Variants in NEU3 observed in about 807,000 individuals in gnomAD.
NEU3 encodes sialidase-3.
In NEU3, 10 loss-of-function variants were observed where a neutral mutation model predicts 11.4. The ratio of observed to expected loss-of-function variants is 0.88; its 90% CI spans 0.54 to 1.49. The LOEUF (loss-of-function observed/expected upper bound fraction) is 1.49. NEU3 is among the 40% of genes most tolerant of loss of function. The pLI is 0.00. For synonymous variants in NEU3, 212 were observed against 228.2 expected, an observed-to-expected ratio of 0.93 and a Z score of 0.64; for missense variants, 529 against 581.8, an observed-to-expected ratio of 0.91 and a Z score of 0.93.
intron 2 of NEU3, chr11:75,004,498 A>G (rs966811632): frequency 2.2e-6 from 1 of 452,934 alleles, no homozygotes; most frequent in African/African-American, 2.0e-5. Flanking sequence ...CCCTTTGCCC[A>G]TTTCTGTTGG....
chr11:74,995,351 G>A lies in NEU3; in HGVS notation c.306+631G>A, dbSNP rs144933791. On this transcript the variant is annotated intron_variant, in intron 2 of 2. Transcript: ENST00000294064. Reference sequence around the variant, plus strand: ...TTAAGGTCATTTGCTTTGGTCACGCGTCTAATAAGTGGGAGAACTGGAGTT... The same window carrying A: ...TTAAGGTCATTTGCTTTGGTCACGCATCTAATAAGTGGGAGAACTGGAGTT... Among the ~76,000 whole-genome samples the A allele has an allele frequency of 1.7e-4, 26 of 152,326 alleles. No individual in the cohort carries two copies. The South Asian group carries it at 2.1e-3, about 12-fold the overall frequency.
chr11:75,015,751 A>G (rs1382902049), downstream of NEU3, among the ~76,000 whole-genome samples: 1 of 152,194 alleles, frequency 6.6e-6, no homozygotes, highest in Non-Finnish European at 1.5e-5. Flanking sequence ...GTTCCTATGG[A>G]ATCAAGCTTC....
intron 2 of NEU3, among the ~76,000 whole-genome samples, chr11:75,001,464 G>A (rs1048356111): frequency 2.0e-5 from 3 of 151,640 alleles, no homozygotes; most frequent in Non-Finnish European, 4.4e-5. Flanking sequence ...TGCATTTTTA[G>A]TAGAGACAGG....
At chr11:74,990,015 A>G (rs527908495) in intron 1 of NEU3, 3 of 702,526 alleles carry the variant, frequency 4.3e-6, no homozygotes, top group South Asian at 1.5e-5. Context: ...CACCATCTAT[A>G]TTACTTCTGT....
chr11:74,989,874 A>G, intron 1 of NEU3: 5 of 676,154 alleles, frequency 7.4e-6, no homozygotes, highest in Non-Finnish European at 1.4e-5. Flanking sequence ...GAAAGTGATT[A>G]TATCGAGCAG....
chr11:75,014,881 G>T (rs1343855756), downstream of NEU3, among the ~76,000 whole-genome samples: 1 of 152,032 alleles, frequency 6.6e-6, no homozygotes, highest in Non-Finnish European at 1.5e-5. Flanking sequence ...AAGAAAAAAA[G>T]AATAATAAAA....
intron 1 of NEU3, among the ~76,000 whole-genome samples, chr11:74,989,579 G>A (rs1402041678): frequency 6.6e-6 from 1 of 152,134 alleles, no homozygotes; most frequent in Non-Finnish European, 1.5e-5. Flanking sequence ...GATCTTCAAA[G>A]GTCTGGCACG....
chr11:75,006,282 C>T lies in NEU3; in HGVS notation c.1176C>T (p.Arg392=). ...QTPLEAACWS[R]PWILHCGPCG... ...CCTTGGAGGCTGCCTGCTGGTCCCG[C>T]CCCTGGATCTTGCACTGTGGGCCCT... The change falls in exon 3 of 3, where the codon CGC becomes CGT. Residue 392 remains arginine, a synonymous_variant. Transcript: ENST00000294064. The T allele has an allele frequency of 4.3e-6, 7 of 1,614,006 alleles. No homozygotes were observed. The highest frequency in any genetic ancestry group is 5.9e-6 in the Non-Finnish European group (7 of 1,179,892).
exon 4 of NEU3, chr11:75,018,817 G>A (rs1456559361): frequency 6.6e-6 from 1 of 152,416 alleles, no homozygotes; most frequent in Admixed American, 6.5e-5. Flanking sequence ...GGAGGGCTCA[G>A]AAGAAGAGAG....
intron 2 of NEU3, among the ~76,000 whole-genome samples, chr11:74,998,354 C>T (rs1373961851): frequency 6.6e-6 from 1 of 152,130 alleles, no homozygotes; most frequent in East Asian, 1.9e-4. Context: ...TGCCACAAAC[C>T]TTCAGTTTTG....
upstream of NEU3, among the ~76,000 whole-genome samples, chr11:74,985,899 C>T (rs1003319651): frequency 6.6e-6 from 1 of 152,222 alleles, no homozygotes; most frequent in Non-Finnish European, 1.5e-5. Context: ...AGAAAGCAAG[C>T]AGGTATCCAC....
chr11:75,005,737 G>A lies in NEU3; in HGVS notation c.631G>A (p.Ala211Thr). ...QLQSGRLVIPAYTYYIPSWFF... is the reference protein window; with the variant it reads ...QLQSGRLVIPTYTYYIPSWFF... ...GCAGTCAGGGAGACTGGTCATCCCT[G>A]CGTATACCTACTACATCCCTTCCTG... Residue 211 changes from alanine to threonine, a missense_variant, in exon 3 of 3, where the codon GCG (alanine) becomes ACG (threonine). Transcript: ENST00000294064. The A allele has an allele frequency of 6.2e-7, 1 of 1,613,956 alleles. No homozygotes were observed. The highest frequency in any genetic ancestry group is 8.5e-7 in the Non-Finnish European group (1 of 1,179,864).
At chr11:75,018,050 C>T (rs1204939787) in intron 3 of NEU3, among the ~76,000 whole-genome samples, 2 of 152,074 alleles carry the variant, frequency 1.3e-5, no homozygotes, top group Admixed American at 1.3e-4. Context: ...TCCCTTCCCT[C>T]TCTCCTTCCT....
intron 2 of NEU3, among the ~76,000 whole-genome samples, chr11:74,998,372 A>G (rs892356696): frequency 6.6e-6 from 1 of 152,224 alleles, no homozygotes; most frequent in South Asian, 2.1e-4. Flanking sequence ...TTGTGGCAAT[A>G]TCTGACAAAT....
chr11:75,019,766 G>T (rs1241412298), downstream of NEU3, among the ~76,000 whole-genome samples: 1 of 152,182 alleles, frequency 6.6e-6, no homozygotes, highest in East Asian at 1.9e-4. Flanking sequence ...GAGAACTTCT[G>T]CTAGGGCAGG....
At chr11:74,983,805 A>AATAC (rs1345569352), upstream of NEU3, among the ~76,000 whole-genome samples, 3 of 152,312 alleles carry the variant, frequency 2.0e-5, no homozygotes, top group Admixed American at 6.5e-5. Context: ...TGCAATCACT[A>AATAC]ATACATCCCA....
chr11:74,990,263 A>G (rs1948715352), intron 1 of NEU3: 1 of 439,504 alleles, frequency 2.3e-6, no homozygotes, highest in African/African-American at 2.0e-5. Flanking sequence ...GTAACCATCA[A>G]AACGTCATGC....
At chr11:75,004,438 A>C (rs1948878046) in intron 2 of NEU3, 1 of 475,484 alleles carries the variant, frequency 2.1e-6, no homozygotes, top group Non-Finnish European at 3.7e-6. Flanking sequence ...TTTCTCTCTT[A>C]TGAGTGAAGC....
chr11:75,005,509 C>G lies in NEU3; in HGVS notation c.403C>G (p.Leu135Val), dbSNP rs372662449. Residue 135 changes from leucine (L) to valine (V), a missense_variant, in exon 3 of 3, where the codon CTG becomes GTG. Transcript: ENST00000294064. The part of the protein sequence containing the change: ...VWEQKSGCVF[L>V]FFICVRGHVT... The stretch of plus-strand genomic sequence containing the variant: ...GGAGCAGAAGAGTGGTTGTGTGTTC[C>G]TGTTCTTCATCTGTGTGCGGGGCCA... 1 of 1,613,960 alleles carries G rather than the reference C, an allele frequency of 6.2e-7. No homozygotes were observed. The highest frequency in any genetic ancestry group is 8.5e-7 in the Non-Finnish European group (1 of 1,179,884).
Sources: allele counts gnomAD v4.1 joint callset (sites outside exome capture counted in the v4.1 genomes callset), GRCh38; gene constraint gnomAD v4.1.1; transcripts MANE v1.5; gene names NCBI Gene and HGNC (gene_info 2026-07-23, HGNC 2026-07-21).